NEDD4L: variants seen among roughly 807,000 people sequenced by gnomAD.
NEDD4L encodes the protein E3 ubiquitin-protein ligase NEDD4-like.
NEDD4L carries 54 observed loss-of-function variants against 148.9 expected under a neutral mutation model. The ratio of observed to expected loss-of-function variants is 0.36; its 90% CI spans 0.29 to 0.45. NEDD4L has a LOEUF of 0.45. Ranked by LOEUF, NEDD4L falls within the 20% of genes least tolerant of loss-of-function variation. The probability of loss-of-function intolerance (pLI) is 1.00; values close to 1 mark genes in which losing one functional copy is unlikely to be tolerated. For synonymous variants in NEDD4L, 433 were observed against 440.7 expected, an observed-to-expected ratio of 0.98 and a Z score of 0.22; for missense variants, 856 against 1,233.8, an observed-to-expected ratio of 0.69 and a Z score of 4.59.
intron 1 of NEDD4L, among the ~76,000 whole-genome samples, chr18:58,163,249 A>G (rs2036451434): frequency 6.6e-6 from 1 of 152,172 alleles, no homozygotes; most frequent in African/African-American, 2.4e-5. Flanking sequence ...AAGCATGTGT[A>G]AAAAATACTC....
chr18:58,063,039 C>CTTT (rs74183235), intron 1 of NEDD4L, among the ~76,000 whole-genome samples: 20 of 91,148 alleles, frequency 2.2e-4, no homozygotes, highest in African/African-American at 3.4e-4. Context: ...TTTATTTGTT[C>CTTT]TTTTTTTTTT....
intron 1 of NEDD4L, among the ~76,000 whole-genome samples, chr18:58,158,386 C>A (rs2035771361): frequency 6.6e-6 from 1 of 152,196 alleles, no homozygotes; most frequent in South Asian, 2.1e-4. Flanking sequence ...GGGAAATTAC[C>A]CACCTCATGA....
intron 2 of NEDD4L, among the ~76,000 whole-genome samples, chr18:58,243,575 T>C (rs1213216774): frequency 6.6e-6 from 1 of 152,152 alleles, no homozygotes; most frequent in African/African-American, 2.4e-5. Context: ...CAGGTGAATC[T>C]GATATGCTAA....
At chr18:58,339,849 A>C (rs1329769977) in intron 13 of NEDD4L, among the ~76,000 whole-genome samples, 2 of 152,200 alleles carry the variant, frequency 1.3e-5, no homozygotes, top group Non-Finnish European at 2.9e-5. Context: ...ACCAAGACAC[A>C]TTGCTGGTAG....
intron 2 of NEDD4L, among the ~76,000 whole-genome samples, chr18:58,181,144 CTAGTTT>C (rs1327146813): frequency 2.0e-5 from 3 of 152,176 alleles, no homozygotes; most frequent in Non-Finnish European, 4.4e-5. Context: ...TTTTACATAG[CTAGTTT>C]TAAAGTAGAT....
intron 1 of NEDD4L, among the ~76,000 whole-genome samples, chr18:58,082,305 A>C (rs1245750007): frequency 1.4e-5 from 2 of 145,016 alleles, no homozygotes; most frequent in African/African-American, 5.1e-5. Flanking sequence ...ACGGGGTTTC[A>C]CCATGTTGGC....
intron 1 of NEDD4L, among the ~76,000 whole-genome samples, chr18:58,117,447 T>C (rs2085921401): frequency 6.6e-6 from 1 of 152,260 alleles, no homozygotes. Flanking sequence ...CAGCCATTTT[T>C]TATTCTTTAT....
At chr18:58,265,143 G>C (rs929785568) in intron 5 of NEDD4L, among the ~76,000 whole-genome samples, 1 of 152,054 alleles carries the variant, frequency 6.6e-6, no homozygotes, top group African/African-American at 2.4e-5. Flanking sequence ...AAAGTGACCA[G>C]ATTTGTCTCA....
At chr18:58,230,644 C>T (rs1010987935) in intron 2 of NEDD4L, among the ~76,000 whole-genome samples, 2 of 151,968 alleles carry the variant, frequency 1.3e-5, no homozygotes, top group Admixed American at 1.3e-4. Context: ...CATTTGAACT[C>T]GATTACCTCT....
chr18:58,219,251 A>G (rs2043474808), intron 2 of NEDD4L, among the ~76,000 whole-genome samples: 1 of 152,180 alleles, frequency 6.6e-6, no homozygotes, highest in Non-Finnish European at 1.5e-5. Flanking sequence ...GGAAAGATCA[A>G]ATGTAGCCTT....
At chr18:58,155,819 G>A (rs1464899906) in intron 1 of NEDD4L, among the ~76,000 whole-genome samples, 2 of 152,202 alleles carry the variant, frequency 1.3e-5, no homozygotes, top group East Asian at 3.8e-4. Context: ...TTTGAACTGC[G>A]GCGTTGCTTT....
At chr18:58,172,515 C>T (rs2037636367) in intron 2 of NEDD4L, among the ~76,000 whole-genome samples, 1 of 152,176 alleles carries the variant, frequency 6.6e-6, no homozygotes, top group African/African-American at 2.4e-5. Flanking sequence ...TTGGGTCCTC[C>T]CAGCAAAGTC....
Position 58,114,727 on chromosome 18 carries a change from G to A in NEDD4L, c.49-51061G>A, listed in dbSNP as rs1024587619. The stretch of plus-strand genomic sequence containing the variant: ...TGGGCTAAACTCAAGGTGTCGCCAG[G>A]GCTGTGTTCCTCCCGGAGGCTCTAG... On this transcript the variant is annotated intron_variant, in intron 1 of 30. Transcript: ENST00000400345. Among the ~76,000 whole-genome samples, 6 of 152,178 alleles carry A rather than the reference G, an allele frequency of 3.9e-5. No individual in the cohort carries two copies. The East Asian group carries it at 1.2e-3, about 29-fold the overall frequency.
At chr18:58,065,752 C>T (rs149628401) in intron 1 of NEDD4L, among the ~76,000 whole-genome samples, 113 of 152,292 alleles carry the variant, frequency 7.4e-4, no homozygotes, top group African/African-American at 2.5e-3. Context: ...ATGGCCTTAA[C>T]GAAGTTGAAC....
At chr18:58,299,242 A>G (rs1031393030) in intron 5 of NEDD4L, among the ~76,000 whole-genome samples, 5 of 152,254 alleles carry the variant, frequency 3.3e-5, no homozygotes, top group Admixed American at 6.5e-5. Flanking sequence ...AAGCGATTTG[A>G]GAAGGTGCCA....
chr18:58,072,936 C>T (rs985345815), intron 1 of NEDD4L, among the ~76,000 whole-genome samples: 2 of 151,382 alleles, frequency 1.3e-5, no homozygotes, highest in Admixed American at 6.6e-5. Flanking sequence ...AGTTTACAAG[C>T]TTGTACATAC....
At chr18:58,213,513 T>G (rs2042816992) in intron 2 of NEDD4L, among the ~76,000 whole-genome samples, 1 of 152,162 alleles carries the variant, frequency 6.6e-6, no homozygotes, top group Non-Finnish European at 1.5e-5. Context: ...TGCCCATATG[T>G]GTAAATGTGT....
At chr18:58,264,753 T>C (rs1210430288) in intron 5 of NEDD4L, among the ~76,000 whole-genome samples, 1 of 152,120 alleles carries the variant, frequency 6.6e-6, no homozygotes, top group East Asian at 1.9e-4. Flanking sequence ...CATGGACTAC[T>C]GTGCTGTTGA....
chr18:58,267,038 A>T (rs1045208742), intron 5 of NEDD4L, among the ~76,000 whole-genome samples: 1 of 152,068 alleles, frequency 6.6e-6, no homozygotes, highest in African/African-American at 2.4e-5. Context: ...TGGAAAATGG[A>T]TGCTTTTAAT....
Sources: gnomAD v4.1 joint callset for allele counts (sites outside exome capture counted in the v4.1 genomes callset) on GRCh38, gnomAD v4.1.1 for gene constraint, MANE v1.5 for transcripts, NCBI Gene and HGNC (gene_info 2026-07-23, HGNC 2026-07-21) for gene names.